The following BMAL1 variants were observed in gnomAD, a reference collection of about 807,000 sequenced individuals.
BMAL1 encodes basic helix-loop-helix ARNT like 1.
At chr11:13,320,662 T>C in the BMAL1 span, among the ~76,000 whole-genome samples, 1 of 152,220 alleles carries the variant, frequency 6.6e-6, no homozygotes, top group African/African-American at 2.4e-5. Context: ...AGTCCTCTCT[T>C]ATCTTCCTGC....
At chr11:13,342,796 G>C in the BMAL1 span, among the ~76,000 whole-genome samples, 7 of 152,188 alleles carry the variant, frequency 4.6e-5, no homozygotes, top group Admixed American at 3.9e-4. Flanking sequence ...TACAGTGGAA[G>C]GAGTATGGGC....
the BMAL1 span, among the ~76,000 whole-genome samples, chr11:13,332,454 A>C: frequency 2.0e-5 from 3 of 152,354 alleles, no homozygotes; most frequent in Non-Finnish European, 4.4e-5. Context: ...AGTGCACAGG[A>C]AATACTTGGA....
chr11:13,338,756 T>G, the BMAL1 span, among the ~76,000 whole-genome samples: 1 of 152,212 alleles, frequency 6.6e-6, no homozygotes, highest in African/African-American at 2.4e-5. Context: ...TCTCTGAGCC[T>G]CAGTGTCATC....
chr11:13,377,311 T>A, the BMAL1 span, among the ~76,000 whole-genome samples: 14 of 151,980 alleles, frequency 9.2e-5, no homozygotes, highest in Non-Finnish European at 7.4e-5. Flanking sequence ...CCACCTGGAG[T>A]CTCAGAGGCA....
chr11:13,334,085 A>G, the BMAL1 span, among the ~76,000 whole-genome samples: 5 of 152,034 alleles, frequency 3.3e-5, no homozygotes, highest in African/African-American at 1.2e-4. Flanking sequence ...ACTCAAAATC[A>G]CCATATGAGG....
chr11:13,322,397 A>T, the BMAL1 span, among the ~76,000 whole-genome samples: 1 of 151,886 alleles, frequency 6.6e-6, no homozygotes, highest in Non-Finnish European at 1.5e-5. Flanking sequence ...AAAGGAAGAT[A>T]CTCTTCTACC....
chr11:13,376,718 C>T, the BMAL1 span: 26 of 1,613,638 alleles, frequency 1.6e-5, no homozygotes, highest in African/African-American at 6.7e-5. Flanking sequence ...GCATGCTGCC[C>T]TCTGGAGAAG....
chr11:13,304,654 G>A, the BMAL1 span, among the ~76,000 whole-genome samples: 4 of 152,280 alleles, frequency 2.6e-5, no homozygotes, highest in East Asian at 5.8e-4. Flanking sequence ...TCACTTTGGG[G>A]TCTTTGGGTC....
the BMAL1 span, among the ~76,000 whole-genome samples, chr11:13,317,438 C>G: frequency 2.0e-5 from 3 of 152,176 alleles, no homozygotes; most frequent in Non-Finnish European, 4.4e-5. Flanking sequence ...GTATGACCCA[C>G]ATTGGTGACC....
chr11:13,376,746 G>A, the BMAL1 span: 5 of 1,609,660 alleles, frequency 3.1e-6, no homozygotes, highest in Admixed American at 1.7e-5. Flanking sequence ...TGTGCTGCTG[G>A]GGCCCTGGGG....
At chr11:13,354,638 C>A in the BMAL1 span, 2 of 692,178 alleles carry the variant, frequency 2.9e-6, no homozygotes, top group Non-Finnish European at 4.6e-6. Context: ...GAGCCTTCAG[C>A]AGTGCTGAGG....
the BMAL1 span, chr11:13,355,180 C>G: frequency 2.7e-5 from 42 of 1,537,916 alleles, no homozygotes; most frequent in East Asian, 5.3e-4. Context: ...GAGGGAAAAT[C>G]TCCGAGGAGG....
the BMAL1 span, among the ~76,000 whole-genome samples, chr11:13,325,694 T>TGG: frequency 1.3e-4 from 19 of 151,578 alleles, no homozygotes; most frequent in African/African-American, 4.9e-5. Context: ...TGTGTGTGTG[T>TGG]GGGCTTGAAT....
At chr11:13,317,855 A>G in the BMAL1 span, among the ~76,000 whole-genome samples, 2 of 152,368 alleles carry the variant, frequency 1.3e-5, no homozygotes, top group Non-Finnish European at 2.9e-5. Flanking sequence ...AGATACTTTC[A>G]GGCAGAGGTT....
the BMAL1 span, among the ~76,000 whole-genome samples, chr11:13,348,843 A>AT: frequency 6.6e-6 from 1 of 152,224 alleles, no homozygotes; most frequent in Admixed American, 6.5e-5. Flanking sequence ...GCAGATATTC[A>AT]TTTGGAGATC....
chr11:13,327,312 A>T, the BMAL1 span, among the ~76,000 whole-genome samples: 1 of 152,182 alleles, frequency 6.6e-6, no homozygotes, highest in Non-Finnish European at 1.5e-5. Flanking sequence ...CGTGCCTACT[A>T]TGCGCCGGAC....
the BMAL1 span, among the ~76,000 whole-genome samples, chr11:13,327,864 G>A: frequency 6.6e-6 from 1 of 152,266 alleles, no homozygotes; most frequent in East Asian, 1.9e-4. Context: ...TACAAGCCCA[G>A]CATTTTTCAT....
At chr11:13,280,396 C>T in the BMAL1 span, among the ~76,000 whole-genome samples, 1 of 152,232 alleles carries the variant, frequency 6.6e-6, no homozygotes, top group Non-Finnish European at 1.5e-5. Flanking sequence ...AAAGATTTGG[C>T]TGTATTAACA....
the BMAL1 span, among the ~76,000 whole-genome samples, chr11:13,386,046 A>G: frequency 6.6e-6 from 1 of 152,246 alleles, no homozygotes; most frequent in Non-Finnish European, 1.5e-5. Context: ...CATGTGGGGC[A>G]TAATCTCTTC....
Sources: allele counts gnomAD v4.1 joint callset (sites outside exome capture counted in the v4.1 genomes callset), GRCh38; gene constraint gnomAD v4.1.1; transcripts MANE v1.5; gene names NCBI Gene and HGNC (gene_info 2026-07-23, HGNC 2026-07-21).